TAFA4: variants seen among roughly 807,000 people sequenced by gnomAD.
TAFA4 encodes the protein TAFA chemokine like family member 4.
In TAFA4, 20 loss-of-function variants were observed where a neutral mutation model predicts 21.1. The observed-to-expected ratio is 0.95, with a 90% confidence interval of 0.67 to 1.38. The LOEUF is 1.38. Ranked by LOEUF, TAFA4 falls within the 40% of genes most tolerant of loss-of-function variation. The probability of loss-of-function intolerance (pLI) is 0.00; values close to 1 mark genes in which losing one functional copy is unlikely to be tolerated. For missense variants in TAFA4, 211 were observed against 180.9 expected, an observed-to-expected ratio of 1.17 and a Z score of -0.95; for synonymous variants, 71 against 67.4, an observed-to-expected ratio of 1.05 and a Z score of -0.26.
chr3:68,864,035 T>G (rs1326090102), intron 3 of TAFA4, among the ~76,000 whole-genome samples: 3 of 151,764 alleles, frequency 2.0e-5, no homozygotes, highest in African/African-American at 7.3e-5. Context: ...CTGTGTGATC[T>G]CGGATTGGGA....
At chr3:68,904,330 G>A (rs1426834027) in intron 1 of TAFA4, among the ~76,000 whole-genome samples, 2 of 152,182 alleles carry the variant, frequency 1.3e-5, no homozygotes, top group African/African-American at 2.4e-5. Flanking sequence ...AAGGAAACCG[G>A]GAGAGCCATA....
At chr3:68,929,863 G>A (rs2090143485) in intron 1 of TAFA4, among the ~76,000 whole-genome samples, 1 of 152,324 alleles carries the variant, frequency 6.6e-6, no homozygotes, top group East Asian at 1.9e-4. Context: ...ATTCATCACA[G>A]GCAATATAGA....
At chr3:68,761,408 G>A (rs1702753461) in intron 3 of TAFA4, among the ~76,000 whole-genome samples, 1 of 151,954 alleles carries the variant, frequency 6.6e-6, no homozygotes, top group South Asian at 2.1e-4. Context: ...AAGCAAGAAA[G>A]GTGCAATTTA....
At chr3:68,918,785 C>T (rs1575673323) in intron 1 of TAFA4, among the ~76,000 whole-genome samples, 1 of 152,308 alleles carries the variant, frequency 6.6e-6, no homozygotes, top group African/African-American at 2.4e-5. Flanking sequence ...AAGAAATCTG[C>T]CCACTTTGGC....
At chr3:68,844,541 T>A (rs1327663381) in intron 3 of TAFA4, among the ~76,000 whole-genome samples, 1 of 152,200 alleles carries the variant, frequency 6.6e-6, no homozygotes, top group Non-Finnish European at 1.5e-5. Flanking sequence ...TGATCTTAGT[T>A]ATTTCTTGCC....
chr3:68,876,855 C>T (rs138594557), intron 3 of TAFA4, among the ~76,000 whole-genome samples: 1 of 152,258 alleles, frequency 6.6e-6, no homozygotes, highest in Non-Finnish European at 1.5e-5. Context: ...CATTTGAGCA[C>T]TCACTAAGCA....
At chr3:68,809,064 G>A (rs1213792953) in intron 3 of TAFA4, among the ~76,000 whole-genome samples, 11 of 152,146 alleles carry the variant, frequency 7.2e-5, no homozygotes, top group African/African-American at 2.7e-4. Context: ...GAGAAGGGAG[G>A]AGCAACAAAT....
At chr3:68,893,101 A>G (rs2089747736) in intron 1 of TAFA4, among the ~76,000 whole-genome samples, 1 of 152,184 alleles carries the variant, frequency 6.6e-6, no homozygotes, top group Non-Finnish European at 1.5e-5. Context: ...CCAGTTTTTA[A>G]TTGGAAATTT....
At chr3:68,870,506 C>A (rs538304363) in intron 3 of TAFA4, among the ~76,000 whole-genome samples, 7 of 152,208 alleles carry the variant, frequency 4.6e-5, no homozygotes, top group East Asian at 3.9e-4. Flanking sequence ...AAAACAGACA[C>A]ATAGAGCAGT....
chr3:68,802,614 G>A (rs1484912409), intron 3 of TAFA4, among the ~76,000 whole-genome samples: 1 of 152,100 alleles, frequency 6.6e-6, no homozygotes, highest in Non-Finnish European at 1.5e-5. Flanking sequence ...GCGGCAGATG[G>A]CCTGAAGTTA....
At chr3:68,746,120 C>G (rs1702452816) in intron 4 of TAFA4, among the ~76,000 whole-genome samples, 1 of 152,118 alleles carries the variant, frequency 6.6e-6, no homozygotes, top group Non-Finnish European at 1.5e-5. Flanking sequence ...CTTTTGGACT[C>G]TTGGAGTTAC....
intron 1 of TAFA4, among the ~76,000 whole-genome samples, chr3:68,910,902 G>A (rs1559560847): frequency 6.6e-6 from 1 of 152,046 alleles, no homozygotes; most frequent in Non-Finnish European, 1.5e-5. Context: ...CACAATGCTT[G>A]GTACTTAATT....
intron 4 of TAFA4, among the ~76,000 whole-genome samples, chr3:68,748,634 C>G (rs987237934): frequency 5.3e-5 from 8 of 152,042 alleles, no homozygotes; most frequent in African/African-American, 1.9e-4. Flanking sequence ...GTCCCAGCTA[C>G]TCGGGAGACT....
chr3:68,807,174 T>C (rs183183723), intron 3 of TAFA4, among the ~76,000 whole-genome samples: 153 of 152,352 alleles, frequency 1.0e-3, no homozygotes, highest in Non-Finnish European at 2.0e-3. Context: ...ACTTGAATCA[T>C]GTGCCTGAAA....
intron 1 of TAFA4, among the ~76,000 whole-genome samples, chr3:68,917,341 G>GAACT (rs1279984961): frequency 1.3e-5 from 2 of 152,106 alleles, no homozygotes; most frequent in African/African-American, 4.8e-5. Flanking sequence ...ATGAGACTGT[G>GAACT]GTGGTTCTAC....
intron 3 of TAFA4, among the ~76,000 whole-genome samples, chr3:68,828,565 T>G (rs557439636): frequency 6.6e-6 from 1 of 152,286 alleles, no homozygotes; most frequent in Admixed American, 6.5e-5. Flanking sequence ...AGCAATGGTT[T>G]GTAGTTATCT....
intron 1 of TAFA4, among the ~76,000 whole-genome samples, chr3:68,917,753 CAAA>C (rs55853026): frequency 1.7e-4 from 10 of 58,180 alleles, no homozygotes; most frequent in Admixed American, 4.3e-4. Context: ...GACTCTGTCT[CAAA>C]AAAAAAAAAA....
At chr3:68,789,051 G>C (rs1703315641) in intron 3 of TAFA4, among the ~76,000 whole-genome samples, 1 of 152,070 alleles carries the variant, frequency 6.6e-6, no homozygotes, top group Non-Finnish European at 1.5e-5. Context: ...GGCTAACATG[G>C]TGAGACCCCG....
intron 3 of TAFA4, among the ~76,000 whole-genome samples, chr3:68,847,964 G>A (rs1490007): frequency 0.18 from 26,705 of 152,190 alleles, 3,128 homozygotes; most frequent in Non-Finnish European, 0.26. Context: ...CTAATGCTAA[G>A]AACAGCTCTC....
Sources: gnomAD v4.1 joint callset for allele counts (sites outside exome capture counted in the v4.1 genomes callset) on GRCh38, gnomAD v4.1.1 for gene constraint, MANE v1.5 for transcripts, NCBI Gene and HGNC (gene_info 2026-07-23, HGNC 2026-07-21) for gene names.